Variants in RUNDC1 observed in about 807,000 individuals in gnomAD.
RUNDC1 encodes RUN domain-containing protein 1.
RUNDC1 carries 31 observed loss-of-function variants against 49.3 expected under a neutral mutation model. The observed-to-expected ratio is 0.63, with a 90% CI of 0.47 to 0.85. The LOEUF is 0.85. Among genes scored for constraint, RUNDC1 ranks in the 40% least tolerant of loss-of-function variants. The pLI, the probability that RUNDC1 is intolerant of heterozygous loss-of-function variation, is 0.00. For missense variants in RUNDC1, 715 were observed against 806.7 expected, an observed-to-expected ratio of 0.89 and a Z score of 1.38; for synonymous variants, 347 against 348.6, an observed-to-expected ratio of 1.00 and a Z score of 0.05.
In RUNDC1 at chr17:42,991,786, AG is replaced by A; in HGVS notation, c.*71del. The A allele has an allele frequency of 6.7e-7, 1 of 1,492,726 alleles. No homozygotes were observed. The highest frequency in any genetic ancestry group is 1.3e-5 in the South Asian group (1 of 76,812). The allele number at this position is 1,492,726 out of a possible 1,614,324, so 92.5% of individuals were successfully genotyped here. On this transcript the variant is annotated 3_prime_UTR_variant, in exon 5 of 5. Transcript: ENST00000361677. ...AGATGTGCTAGTCTTCTAGCATAGG[AG>A]CAAGGAATCAGAGGTGGGGTTAAAG...
rs1218294345 is a variant in RUNDC1, at chr17:42,991,917, TAAG to T, written c.*205_*207del. 1 of 611,038 alleles carries T rather than the reference TAAG, an allele frequency of 1.6e-6. No homozygotes were observed. Among genetic ancestry groups the T allele is most frequent in the Non-Finnish European group, 2.8e-6 (1 of 355,492 alleles). The allele number at this position is 611,038 out of a possible 1,614,324, so 37.9% of individuals were successfully genotyped here. A position where few individuals can be genotyped will look rare whatever the true frequency, so the allele number is the denominator to read the frequency against. On this transcript the variant is annotated 3_prime_UTR_variant, in exon 5 of 5. Coordinates refer to ENST00000361677, the MANE Select transcript of RUNDC1 (RefSeq NM_173079.5). ...AGATGTGCTGGAGGGACCCTCTTGT[TAAG>T]AAGGTTCTGCCAGGCCGGGCGCGGT...
chr17:42,980,602 A>G lies in RUNDC1; in HGVS notation c.26A>G (p.Glu9Gly), dbSNP rs1283184177. 4.3e-6 allele frequency: 7 copies of G among 1,609,758 alleles called. No homozygotes were observed. Residue 9 changes from glutamate to glycine, a missense_variant, in exon 1 of 5, where the codon GAG becomes GGG. Glu to Gly is a moderately conservative substitution (Grantham distance 98). Transcript: ENST00000361677. ...ATGGCGGCTGTCGAAGCGGCTGCAG[A>G]GCCGGTAACGGTGGTGGCGGCTGTT... MAAVEAAA[E>G]PVTVVAAVGP...
chr17:42,992,643 C>T lies in RUNDC1; in HGVS notation c.*927C>T, dbSNP rs1362119690. 1 of 151,196 alleles carries T rather than the reference C, an allele frequency of 6.6e-6. No individual in the cohort carries two copies. Among genetic ancestry groups the T allele is most frequent in the East Asian group, 1.9e-4 (1 of 5,152 alleles). 9.4% of individuals were successfully genotyped at this position (151,196 alleles called of 1,614,324 possible). A position where few individuals can be genotyped will look rare whatever the true frequency, so the allele number is the denominator to read the frequency against. On this transcript the variant is annotated 3_prime_UTR_variant, in exon 5 of 5. Coordinates refer to ENST00000361677, the MANE Select transcript of RUNDC1 (RefSeq NM_173079.5). ...TTAAGCTATCTTCTTTCACTTGAAG[C>T]AGGTTTGAGAGGCCTAGGCCAGAAT...
In RUNDC1 at chr17:42,980,595, G is replaced by T. The variant is rs530398987; in HGVS notation, c.19G>T (p.Ala7Ser). ...CGGGAAGATGGCGGCTGTCGAAGCG[G>T]CTGCAGAGCCGGTAACGGTGGTGGC... The part of the protein sequence containing the change: MAAVEA[A>S]AEPVTVVAAV... Residue 7 changes from alanine to serine, a missense_variant, in exon 1 of 5, where the codon GCT becomes TCT. Ala to Ser is a moderately conservative substitution (Grantham distance 99). Transcript: ENST00000361677. 2.2e-5 allele frequency: 35 copies of T among 1,609,670 alleles called. No homozygotes were observed. The South Asian group carries it at 3.9e-4, about 18-fold the overall frequency.
chr17:42,980,791 C>T lies in RUNDC1; in HGVS notation c.215C>T (p.Pro72Leu). The change falls in exon 1 of 5, where the codon CCG becomes CTG. Residue 72 changes from proline (P) to leucine (L), a missense_variant. Physicochemically the swap from Pro to Leu is moderately conservative, Grantham distance 98. Transcript: ENST00000361677. Reference protein sequence around the residue: ...AEEPGAAPGSPPDSPGRTLRR... With the variant: ...AEEPGAAPGSLPDSPGRTLRR... ...GAGCCTGGCGCGGCCCCGGGCTCCC[C>T]GCCGGATTCGCCGGGCCGGACGCTG... The T allele has an allele frequency of 7.1e-7, 1 of 1,402,332 alleles. No individual in the cohort carries two copies. The highest frequency in any genetic ancestry group is 1.6e-5 in the South Asian group (1 of 63,618). The allele number at this position is 1,402,332 out of a possible 1,614,324, so 86.9% of individuals were successfully genotyped here.
chr17:42,982,817 T>C (rs1020346473), intron 1 of RUNDC1, among the ~76,000 whole-genome samples: 1 of 21,056 alleles, frequency 4.7e-5, no homozygotes, highest in Non-Finnish European at 9.7e-5. Context: ...CTACTAAAAA[T>C]ACAAAAAAAA....
Position 42,991,005 on chromosome 17 carries a change from C to T in RUNDC1, c.1131C>T (p.Asp377=). 1 of 1,614,172 alleles carries T rather than the reference C, an allele frequency of 6.2e-7. No homozygotes were observed. The highest frequency in any genetic ancestry group is 8.5e-7 in the Non-Finnish European group (1 of 1,180,008). Reference sequence around the variant, plus strand: ...GGCAGAGGGTCCAGGCTGACAGAGACTACTCTCCCTTGCTGAAGAGGCTGG... The same window carrying T: ...GGCAGAGGGTCCAGGCTGACAGAGATTACTCTCCCTTGCTGAAGAGGCTGG... The part of the protein sequence containing the change: ...TLWQRVQADR[D]YSPLLKRLEV... Residue 377 remains aspartate, a synonymous_variant, in exon 5 of 5, where the codon GAC becomes GAT. Coordinates refer to ENST00000361677, the MANE Select transcript of RUNDC1 (RefSeq NM_173079.5).
At chr17:42,988,751 GGAGGATCTCT>G (rs1055494907) in intron 2 of RUNDC1, among the ~76,000 whole-genome samples, 71 of 152,172 alleles carry the variant, frequency 4.7e-4, no homozygotes, top group African/African-American at 1.6e-3. Flanking sequence ...GGCTGAGGTG[GGAGGATCTCT>G]TGAGGCCAGA....
intron 1 of RUNDC1, among the ~76,000 whole-genome samples, chr17:42,986,528 C>T (rs1257996112): frequency 6.6e-6 from 1 of 151,886 alleles, no homozygotes; most frequent in Non-Finnish European, 1.5e-5. Context: ...GACGGAGTCT[C>T]GCTCTGTCAC....
chr17:42,991,576 C>T lies in RUNDC1; in HGVS notation c.1702C>T (p.His568Tyr). 4 of 1,614,196 alleles carry T rather than the reference C, an allele frequency of 2.5e-6. No homozygotes were observed. Among genetic ancestry groups the T allele is most frequent in the Non-Finnish European group, 3.4e-6 (4 of 1,180,028 alleles). The change falls in exon 5 of 5, where the codon CAC becomes TAC. Residue 568 changes from histidine (H) to tyrosine (Y), a missense_variant. Coordinates refer to ENST00000361677, the MANE Select transcript of RUNDC1 (RefSeq NM_173079.5). ...CAAGTCCGGGTCACTCATCGAGCCT[C>T]ACTACCAGCCCTGGAGCTACATGGC... ...ICKSGSLIEP[H>Y]YQPWSYMAHT...
chr17:42,989,628 G>C (rs935395881), intron 3 of RUNDC1, 89 bp downstream of exon 3: 1 of 1,294,672 alleles, frequency 7.7e-7, no homozygotes, highest in Non-Finnish European at 1.1e-6. Flanking sequence ...TCTAATTCTG[G>C]TTTTTTGTTC....
At chr17:42,982,456 C>T (rs1334059936) in intron 1 of RUNDC1, among the ~76,000 whole-genome samples, 1 of 152,156 alleles carries the variant, frequency 6.6e-6, no homozygotes, top group Admixed American at 6.6e-5. Flanking sequence ...CACATACCTG[C>T]AACTCCTTAC....
rs1184922829 is a variant in RUNDC1, at chr17:42,992,071, C to T, written c.*355C>T. 4.0e-5 allele frequency: 8 copies of T among 200,500 alleles called. No individual in the cohort carries two copies. The highest frequency in any genetic ancestry group is 2.1e-3 in the Middle Eastern group (1 of 470). 12.4% of individuals were successfully genotyped at this position (200,500 alleles called of 1,614,324 possible). A position where few individuals can be genotyped will look rare whatever the true frequency, so the allele number is the denominator to read the frequency against. On this transcript the variant is annotated 3_prime_UTR_variant, in exon 5 of 5. Coordinates refer to ENST00000361677, the MANE Select transcript of RUNDC1 (RefSeq NM_173079.5). ...CTACTAAAAATACAAAAAAATTAGTCGGACATGGTGGCAGGCACCTGTAGT... is the reference window on the plus strand; with the variant it reads ...CTACTAAAAATACAAAAAAATTAGTTGGACATGGTGGCAGGCACCTGTAGT...
intron 2 of RUNDC1, among the ~76,000 whole-genome samples, chr17:42,987,725 C>A (rs2050189181): frequency 6.6e-6 from 1 of 152,148 alleles, no homozygotes; most frequent in Admixed American, 6.5e-5. Flanking sequence ...TTGGGCCCAT[C>A]ATACAATGTA....
intron 2 of RUNDC1, 86 bp from the exon 3 acceptor site, chr17:42,989,255 A>G: frequency 1.0e-6 from 1 of 976,476 alleles, no homozygotes; most frequent in Non-Finnish European, 1.6e-6. Flanking sequence ...TTTCCATTTA[A>G]GGACAGAAGA....
chr17:42,985,648 C>A, intron 1 of RUNDC1: 53 of 390,176 alleles, frequency 1.4e-4, no homozygotes, highest in Non-Finnish European at 1.4e-4. Flanking sequence ...CTTACTTCTT[C>A]AGGGCTTGGT....
chr17:42,986,694 G>A (rs1032547185), intron 1 of RUNDC1, among the ~76,000 whole-genome samples: 1 of 151,592 alleles, frequency 6.6e-6, no homozygotes, highest in African/African-American at 2.4e-5. Context: ...GTAGAGACGG[G>A]GTTTTACTGT....
At chr17:42,982,255 G>A (rs975847860) in intron 1 of RUNDC1, among the ~76,000 whole-genome samples, 5 of 152,170 alleles carry the variant, frequency 3.3e-5, no homozygotes, top group Middle Eastern at 3.4e-3. Context: ...CCAAAGTGCT[G>A]GGATTAGAGA....
rs531194756 is a variant in RUNDC1, at chr17:42,991,942, C to T, written c.*226C>T. On this transcript the variant is annotated 3_prime_UTR_variant, in exon 5 of 5. Coordinates refer to ENST00000361677, the MANE Select transcript of RUNDC1 (RefSeq NM_173079.5). The stretch of plus-strand genomic sequence containing the variant: ...TAAGAAGGTTCTGCCAGGCCGGGCG[C>T]GGTGGCTCACACCTGTAATCCCAGC... 9.5e-6 allele frequency: 5 copies of T among 524,724 alleles called. No individual in the cohort carries two copies. Among genetic ancestry groups the T allele is most frequent in the East Asian group, 3.5e-5 (1 of 28,510 alleles). 32.5% of individuals were successfully genotyped at this position (524,724 alleles called of 1,614,324 possible). A position where few individuals can be genotyped will look rare whatever the true frequency, so the allele number is the denominator to read the frequency against.
Sources: allele counts gnomAD v4.1 joint callset (sites outside exome capture counted in the v4.1 genomes callset), GRCh38; gene constraint gnomAD v4.1.1; transcripts MANE v1.5; gene names NCBI Gene and HGNC (gene_info 2026-07-23, HGNC 2026-07-21).